DNAAF5: variants seen among roughly 807,000 people sequenced by gnomAD.
DNAAF5 encodes the protein HEAT repeat containing 2.
A neutral mutation model predicts 75.8 loss-of-function variants in DNAAF5; 64 were observed. That is an observed-to-expected ratio of 0.84 (90% CI 0.69 to 1.04). The LOEUF is 1.04. Ranked by LOEUF, DNAAF5 falls within the 50% of genes least tolerant of loss-of-function variation. DNAAF5 has a pLI of 0.00. For missense variants in DNAAF5, 1,269 were observed against 1,178.5 expected (o/e 1.08, Z -1.12); for synonymous variants, 657 against 557.2 (o/e 1.18, Z -2.52).
At chr7:733,475 G>T (rs1027308757) in intron 2 of DNAAF5, among the ~76,000 whole-genome samples, 1 of 152,038 alleles carries the variant, frequency 6.6e-6, no homozygotes, top group Non-Finnish European at 1.5e-5. Flanking sequence ...GTCCTCTTCA[G>T]TTTTCTCATG....
In DNAAF5 at chr7:774,160, T is replaced by G. The variant is rs1470146998; in HGVS notation, c.2044T>G (p.Trp682Gly). The change falls in exon 10 of 13, where the codon TGG becomes GGG. Residue 682 changes from tryptophan (W) to glycine (G), a missense_variant. Physicochemically the swap from Trp to Gly is radical, Grantham distance 184. Coordinates refer to ENST00000297440, the MANE Select transcript of DNAAF5 (RefSeq NM_017802.4). ...AIRTAAVSCL[W>G]ALTSSEVLSA... ...CCGCACGGCTGCCGTGTCCTGCCTC[T>G]GGGCGCTCACCAGCAGCGAGGTCCT... 6.2e-7 allele frequency: 1 copy of G among 1,612,212 alleles called. No individual in the cohort carries two copies. Among genetic ancestry groups the G allele is most frequent in the South Asian group, 1.1e-5 (1 of 91,042 alleles).
rs772991095 is a variant in DNAAF5, at chr7:740,962, G to A, written c.905+19G>A. Reference sequence around the variant, plus strand: ...AGGTCAGGTACGTGGGCAGGCGGCCGCGGGCCTTGTCTTCCTAAACGGTCA... The same window carrying A: ...AGGTCAGGTACGTGGGCAGGCGGCCACGGGCCTTGTCTTCCTAAACGGTCA... On this transcript the variant is annotated intron_variant, in intron 3 of 12. Coordinates refer to ENST00000297440, the MANE Select transcript of DNAAF5 (RefSeq NM_017802.4). The A allele has an allele frequency of 8.9e-5, 143 of 1,610,214 alleles. No homozygotes were observed. Among genetic ancestry groups the A allele is most frequent in the East Asian group, 1.6e-4 (7 of 44,872 alleles).
At position 726,896 on chromosome 7, in the gene DNAAF5, A is replaced by C; in HGVS notation, c.176A>C (p.Glu59Ala). The C allele has an allele frequency of 7.4e-7, 1 of 1,342,760 alleles. No homozygotes were observed. The highest frequency in any genetic ancestry group is 3.3e-5 in the East Asian group (1 of 30,376). 83.2% of individuals were successfully genotyped at this position (1,342,760 alleles called of 1,614,324 possible). Residue 59 changes from glutamate to alanine, a missense_variant, in exon 1 of 13, where the codon GAG (glutamate) becomes GCG (alanine). Transcript: ENST00000297440. ...ALEALRRALE[E>A]PGPAADPTAF... is the part of the protein sequence containing the mutation. ...GAGGCCCTGCGGCGCGCGCTGGAGG[A>C]GCCAGGCCCTGCCGCCGACCCCACC...
intron 3 of DNAAF5, 36 bp from the exon 4 acceptor site, chr7:741,311 G>C (rs374682631): frequency 6.6e-7 from 1 of 1,516,570 alleles, no homozygotes. Context: ...TGCGTGCCCT[G>C]CCCTGAGCCA....
At chr7:763,249 C>A (rs62432252) in intron 7 of DNAAF5, among the ~76,000 whole-genome samples, 1 of 152,066 alleles carries the variant, frequency 6.6e-6, no homozygotes, top group African/African-American at 2.4e-5. Context: ...TCATGGGGGA[C>A]GAAGCCAGGT....
chr7:765,660 T>G (rs1782797023), intron 8 of DNAAF5, among the ~76,000 whole-genome samples: 1 of 152,220 alleles, frequency 6.6e-6, no homozygotes, highest in African/African-American at 2.4e-5. Flanking sequence ...GACTGCAGTA[T>G]GCCGTTCAGT....
chr7:734,376 C>G (rs532709516), intron 2 of DNAAF5, among the ~76,000 whole-genome samples: 2 of 152,202 alleles, frequency 1.3e-5, no homozygotes, highest in African/African-American at 2.4e-5. Flanking sequence ...GTCCTTCATT[C>G]TGCCGATATG....
Position 754,919 on chromosome 7 carries a change from G to A in DNAAF5, c.1257+98G>A, listed in dbSNP as rs1782436809. The A allele has an allele frequency of 8.6e-6, 8 of 928,046 alleles. No homozygotes were observed. The highest frequency in any genetic ancestry group is 5.3e-5 in the South Asian group (3 of 56,884). 57.5% of individuals were successfully genotyped at this position (928,046 alleles called of 1,614,324 possible). A position where few individuals can be genotyped will look rare whatever the true frequency, so the allele number is the denominator to read the frequency against. ...GGGCCCGAGGCTGTACTGTAGCCAA[G>A]ACAGCGTTCCCCTCACCCCCGGGCC... On this transcript the variant is annotated intron_variant, in intron 5 of 12. Coordinates refer to ENST00000297440, the MANE Select transcript of DNAAF5 (RefSeq NM_017802.4). The surrounding 1 kb of genome is among the most constrained non-coding windows in gnomAD (Gnocchi z 4.8).
chr7:763,707 G>A, intron 7 of DNAAF5, 99 bp from the exon 8 acceptor site: 2 of 1,363,364 alleles, frequency 1.5e-6, no homozygotes, highest in East Asian at 2.3e-5. Flanking sequence ...CCCGGCCTGT[G>A]TGGTTCTTAC....
chr7:782,987 A>G (rs1219515254), intron 12 of DNAAF5, among the ~76,000 whole-genome samples: 1 of 152,192 alleles, frequency 6.6e-6, no homozygotes, highest in Non-Finnish European at 1.5e-5. Context: ...AACGTCAGAA[A>G]CTCTCCTGCG....
intron 2 of DNAAF5, among the ~76,000 whole-genome samples, chr7:736,847 T>TTG (rs35598413): frequency 0.48 from 72,157 of 151,314 alleles, 17,362 homozygotes; most frequent in African/African-American, 0.52. Flanking sequence ...AATTTCTTTT[T>TTG]TGTGTGTGTG....
intron 8 of DNAAF5, among the ~76,000 whole-genome samples, chr7:768,046 G>A (rs1007149041): frequency 6.6e-6 from 1 of 151,834 alleles, no homozygotes; most frequent in Non-Finnish European, 1.5e-5. Context: ...CGCTGGGAGG[G>A]CAGACACGTG....
chr7:734,149 T>C (rs898650950), intron 2 of DNAAF5, among the ~76,000 whole-genome samples: 1 of 152,226 alleles, frequency 6.6e-6, no homozygotes, highest in African/African-American at 2.4e-5. Context: ...TAACTAACAG[T>C]GGTGAAAGCG....
rs1199036298 is a variant in DNAAF5 at position 726,984 on chromosome 7, C to A, written c.264C>A (p.Pro88=). 2.3e-6 allele frequency: 3 copies of A among 1,283,544 alleles called. No homozygotes were observed. In the African/African-American group the frequency reaches 4.7e-5, roughly 20 times the overall value. 79.5% of individuals were successfully genotyped at this position (1,283,544 alleles called of 1,614,324 possible). Residue 88 remains proline (P), a synonymous_variant, in exon 1 of 13, where the codon CCC becomes CCA. Coordinates refer to ENST00000297440, the MANE Select transcript of DNAAF5 (RefSeq NM_017802.4). ...GCTTGCTGCGCTGCCTGAGCGACCCCGCCGAGGGCTGCCGCGCGCTGGCAG... is the reference window on the plus strand; with the variant it reads ...GCTTGCTGCGCTGCCTGAGCGACCCAGCCGAGGGCTGCCGCGCGCTGGCAG... ...LPRLLRCLSD[P]AEGCRALAVH...
chr7:775,014 C>A lies in DNAAF5; in HGVS notation c.2091C>A (p.Asp697Glu). The change falls in exon 11 of 13, where the codon GAC becomes GAA. Residue 697 changes from aspartate (D) to glutamate (E), a missense_variant. Asp to Glu is a conservative substitution (Grantham distance 45, BLOSUM62 2). Coordinates refer to ENST00000297440, the MANE Select transcript of DNAAF5 (RefSeq NM_017802.4). Reference protein sequence around the residue: ...SEVLSAEQIRDVQETLMPQVL... With the variant: ...SEVLSAEQIREVQETLMPQVL... Reference sequence around the variant, plus strand: ...GTGTTTGCTGATTGCAGATACGGGACGTGCAGGAAACACTGATGCCCCAGG... The same window carrying A: ...GTGTTTGCTGATTGCAGATACGGGAAGTGCAGGAAACACTGATGCCCCAGG... The A allele has an allele frequency of 1.2e-6, 2 of 1,613,824 alleles. No individual in the cohort carries two copies. The highest frequency in any genetic ancestry group is 2.7e-5 in the African/African-American group (2 of 75,002).
At chr7:738,275 T>C (rs1781796763) in intron 2 of DNAAF5, among the ~76,000 whole-genome samples, 1 of 152,192 alleles carries the variant, frequency 6.6e-6, no homozygotes, top group African/African-American at 2.4e-5. Flanking sequence ...TTTTTAATTA[T>C]TTCAATATCT....
intron 10 of DNAAF5, among the ~76,000 whole-genome samples, chr7:774,664 C>T (rs1778698743): frequency 6.6e-6 from 1 of 152,158 alleles, no homozygotes; most frequent in Non-Finnish European, 1.5e-5. Context: ...CTGCCCTGGG[C>T]GCCCGTGCAG....
chr7:756,766 T>C lies in DNAAF5; in HGVS notation c.1258-16T>C, dbSNP rs766736213. Reference sequence around the variant, plus strand: ...TCGGGTTTGGCTCTGAGTTTTCTCATGTTTCTTTCTCGCAGTGTACCAGAT... The same window carrying C: ...TCGGGTTTGGCTCTGAGTTTTCTCACGTTTCTTTCTCGCAGTGTACCAGAT... On this transcript the variant is annotated splice_polypyrimidine_tract_variant and intron_variant, in intron 5 of 12. Transcript: ENST00000297440. The C allele has an allele frequency of 4.4e-5, 71 of 1,609,466 alleles. No individual in the cohort carries two copies. Among genetic ancestry groups the C allele is most frequent in the Non-Finnish European group, 5.4e-5 (64 of 1,176,858 alleles).
Position 752,365 on chromosome 7 carries a change from GCCTTT to G in DNAAF5, c.1025-2223_1025-2219del. ...CAAAAGACCGCAGAGTGATGACGAAGCCTTTGTCACCGCGGGCCGGGCCACGCTTC... is the reference window on the plus strand; with the variant it reads ...CAAAAGACCGCAGAGTGATGACGAAGGTCACCGCGGGCCGGGCCACGCTTC... On this transcript the variant is annotated intron_variant, in intron 4 of 12. Transcript: ENST00000297440. Among the ~76,000 whole-genome samples, 6 of 147,848 alleles carry G rather than the reference GCCTTT, an allele frequency of 4.1e-5. No homozygotes were observed. In the South Asian group the frequency reaches 1.1e-3, roughly 26 times the overall value.
Sources: gnomAD v4.1 joint callset for allele counts (sites outside exome capture counted in the v4.1 genomes callset) on GRCh38, gnomAD v4.1.1 for gene constraint, Gnocchi (gnomAD v3.1) non-coding constraint, MANE v1.5 for transcripts, NCBI Gene and HGNC (gene_info 2026-07-23, HGNC 2026-07-21) for gene names.